Variants in TDRD9 observed in about 807,000 individuals in gnomAD.
TDRD9 encodes the protein ATP-dependent RNA helicase TDRD9.
TDRD9 carries 124 observed loss-of-function variants against 172.6 expected under a neutral mutation model. That is an observed-to-expected ratio of 0.72 (90% CI 0.62 to 0.83). The LOEUF is 0.83. Ranked by LOEUF, TDRD9 falls within the 40% of genes least tolerant of loss-of-function variation. TDRD9 has a pLI of 0.00. For synonymous variants in TDRD9, 619 were observed against 617.1 expected (o/e 1.00, Z -0.05); for missense variants, 1,479 against 1,714.1 (o/e 0.86, Z 2.42).
intron 35 of TDRD9, among the ~76,000 whole-genome samples, chr14:104,050,826 G>GA (rs1307108028): frequency 1.3e-5 from 2 of 152,198 alleles, no homozygotes; most frequent in Admixed American, 6.5e-5. Flanking sequence ...TTTGAAAACA[G>GA]AATTTCACTT....
chr14:104,025,721 A>T lies in TDRD9; in HGVS notation c.2876A>T (p.Asp959Val). ...TGTCTGGCACCTTTTGCTGATTTTG[A>T]TAAACAACGCTACTTTAGAGCTCAA... ...LVCLAPFADF[D>V]KQRYFRAQVL... Residue 959 changes from aspartate to valine, a missense_variant, in exon 26 of 36, where the codon GAT becomes GTT. Asp to Val is a radical substitution (Grantham distance 152). Coordinates refer to ENST00000409874, the MANE Select transcript of TDRD9 (RefSeq NM_153046.3). 6.2e-7 allele frequency: 1 copy of T among 1,614,018 alleles called. No homozygotes were observed. The highest frequency in any genetic ancestry group is 1.1e-5 in the South Asian group (1 of 91,086).
intron 24 of TDRD9, among the ~76,000 whole-genome samples, chr14:104,022,901 C>T (rs1176873481): frequency 2.0e-5 from 3 of 151,742 alleles, no homozygotes; most frequent in Admixed American, 6.6e-5. Flanking sequence ...TGATACCAGC[C>T]GGGTGAGGTG....
chr14:103,970,551 G>A lies in TDRD9; in HGVS notation c.776G>A (p.Arg259Gln), dbSNP rs867801627. ...TTTTTTATTTTGTAGGTACACGAACGAACAGAAGAAATGGATTTCCTGCTA... is the reference window on the plus strand; with the variant it reads ...TTTTTTATTTTGTAGGTACACGAACAAACAGAAGAAATGGATTTCCTGCTA... ...THIIIDEVHE[R>Q]TEEMDFLLLV... is the part of the protein sequence containing the mutation. The change falls in exon 6 of 36, where the codon CGA becomes CAA. Residue 259 changes from arginine to glutamine, a missense_variant. Arg to Gln is a conservative substitution (Grantham distance 43). This residue lies in a region of TDRD9 where 1,413 missense variants were observed against 1,649.1 expected (regional missense o/e 0.86). Coordinates refer to ENST00000409874, the MANE Select transcript of TDRD9 (RefSeq NM_153046.3). 7 of 1,551,546 alleles carry A rather than the reference G, an allele frequency of 4.5e-6. No homozygotes were observed. Among genetic ancestry groups the A allele is most frequent in the Admixed American group, 2.0e-5 (1 of 50,992 alleles).
At chr14:104,007,789 T>C (rs572104418) in intron 19 of TDRD9, among the ~76,000 whole-genome samples, 1 of 152,274 alleles carries the variant, frequency 6.6e-6, no homozygotes, top group East Asian at 1.9e-4. Flanking sequence ...AAGTCTTTTT[T>C]TTTTTTGAGA....
At chr14:103,976,016 A>G (rs1035054532) in intron 7 of TDRD9, among the ~76,000 whole-genome samples, 3 of 152,192 alleles carry the variant, frequency 2.0e-5, no homozygotes, top group Non-Finnish European at 2.9e-5. Flanking sequence ...TTTTCTGTCC[A>G]TTAACCAACC....
At chr14:103,941,354 A>T in intron 1 of TDRD9, 1 of 1,398,452 alleles carries the variant, frequency 7.2e-7, no homozygotes, top group Non-Finnish European at 9.6e-7. Context: ...AGGAACTTGG[A>T]CTTAGCAGTA....
chr14:103,947,187 A>G (rs773939593), intron 1 of TDRD9, among the ~76,000 whole-genome samples: 2 of 152,224 alleles, frequency 1.3e-5, no homozygotes, highest in Non-Finnish European at 2.9e-5. Flanking sequence ...ATAAAGACGC[A>G]TAGACCAATG....
intron 1 of TDRD9, among the ~76,000 whole-genome samples, chr14:103,930,193 T>G (rs1231758814): frequency 1.3e-5 from 2 of 149,948 alleles, no homozygotes; most frequent in Non-Finnish European, 3.0e-5. Context: ...TTTTCTTGGT[T>G]TTTTTTTTTT....
At chr14:103,994,853 G>A (rs1159371879) in intron 11 of TDRD9, among the ~76,000 whole-genome samples, 1 of 151,982 alleles carries the variant, frequency 6.6e-6, no homozygotes, top group African/African-American at 2.4e-5. Context: ...TACTTGGGAG[G>A]CTGAGGTGGG....
Position 104,004,213 on chromosome 14 carries a change from CTGTT to C in TDRD9, c.1484-22_1484-19del, listed in dbSNP as rs776101613. The C allele has an allele frequency of 4.4e-5, 56 of 1,259,516 alleles. 1 individual carries two copies. The Admixed American group carries it at 8.2e-4, about 19-fold the overall frequency. 78.0% of individuals were successfully genotyped at this position (1,259,516 alleles called of 1,614,324 possible). ...ATGTTAAAGTAATTAATGCCAAACA[CTGTT>C]TGCACATCTCTCCTTTGAAGGCCGT... On this transcript the variant is annotated intron_variant, in intron 13 of 35. Transcript: ENST00000409874.
chr14:103,991,671 A>G (rs1307097458), intron 9 of TDRD9, among the ~76,000 whole-genome samples: 1 of 152,134 alleles, frequency 6.6e-6, no homozygotes, highest in East Asian at 1.9e-4. Flanking sequence ...GTGGCCTCCC[A>G]AAGTGCTGGA....
chr14:103,986,194 CT>C, intron 7 of TDRD9, 22 bp from the exon 8 acceptor site: 1 of 1,600,662 alleles, frequency 6.2e-7, no homozygotes, highest in Non-Finnish European at 8.6e-7. Context: ...CGTATTGCGA[CT>C]TTTTTCTTTC....
chr14:104,045,809 T>A (rs1369451433), intron 34 of TDRD9, among the ~76,000 whole-genome samples: 1 of 152,198 alleles, frequency 6.6e-6, no homozygotes, highest in Non-Finnish European at 1.5e-5. Flanking sequence ...CTCTGCCATG[T>A]CATGATGCAG....
intron 11 of TDRD9, 31 bp from the exon 12 acceptor site, chr14:103,995,719 A>T: frequency 1.9e-6 from 3 of 1,566,384 alleles, no homozygotes; most frequent in Non-Finnish European, 2.6e-6. Context: ...ATATAGTAGG[A>T]ATGTCAGCTT....
In TDRD9 at chr14:104,042,076, T is replaced by G; in HGVS notation, c.3863T>G (p.Ile1288Ser). 1 of 1,601,550 alleles carries G rather than the reference T, an allele frequency of 6.2e-7. No individual in the cohort carries two copies. The highest frequency in any genetic ancestry group is 8.6e-7 in the Non-Finnish European group (1 of 1,168,774). ...GTTGCTGTTCATTTACAGGTTAATA[T>G]TCTCAGGGCTGCTATTAACAAGCTA... The part of the protein sequence containing the change: ...FSVEDVVEVN[I>S]LRAAINKLVC... Residue 1288 changes from isoleucine to serine, a missense_variant, in exon 34 of 36, where the codon ATT becomes AGT. Ile to Ser is a moderately radical substitution (Grantham distance 142). Transcript: ENST00000409874.
At position 104,007,154 on chromosome 14, in the gene TDRD9, T is replaced by C. The variant is rs761080651; in HGVS notation, c.2008-6T>C. ...TATTTTGAAAGTTTGGATCCTTTAT[T>C]TTCAGACATGGAAGGCTTGCAGACA... On this transcript the variant is annotated splice_polypyrimidine_tract_variant and splice_region_variant and intron_variant, in intron 18 of 35. Coordinates refer to ENST00000409874, the MANE Select transcript of TDRD9 (RefSeq NM_153046.3). 1 of 1,613,338 alleles carries C rather than the reference T, an allele frequency of 6.2e-7. No individual in the cohort carries two copies. Among genetic ancestry groups the C allele is most frequent in the South Asian group, 1.1e-5 (1 of 90,898 alleles).
At chr14:104,048,476 C>T (rs540909726) in intron 34 of TDRD9, among the ~76,000 whole-genome samples, 6 of 152,138 alleles carry the variant, frequency 3.9e-5, no homozygotes, top group Non-Finnish European at 8.8e-5. Context: ...ATCTGATCTG[C>T]ACAGCTTAGT....
intron 1 of TDRD9, among the ~76,000 whole-genome samples, chr14:103,937,316 A>C (rs1307763603): frequency 6.6e-6 from 1 of 152,072 alleles, no homozygotes; most frequent in African/African-American, 2.4e-5. Flanking sequence ...ATAGCAAGCT[A>C]ATTCCCACCT....
rs145426114 is a variant in TDRD9 at position 104,014,758 on chromosome 14, A to G, written c.2140A>G (p.Ile714Val). The G allele has an allele frequency of 3.1e-6, 5 of 1,611,784 alleles. No individual in the cohort carries two copies. Among genetic ancestry groups the G allele is most frequent in the Non-Finnish European group, 4.2e-6 (5 of 1,178,742 alleles). Residue 714 changes from isoleucine (I) to valine (V), a missense_variant, in exon 21 of 36, where the codon ATC (isoleucine) becomes GTC (valine). By Grantham distance (29) the Ile-to-Val change is conservative. Transcript: ENST00000409874. ...ATTATATGAAGAATTGAAGACTAGAATCTCACAGTTCAACATGCATGTTGA... is the reference window on the plus strand; with the variant it reads ...ATTATATGAAGAATTGAAGACTAGAGTCTCACAGTTCAACATGCATGTTGA... ...AELYEELKTR[I>V]SQFNMHVDSR...
Sources: gnomAD v4.1 joint callset for allele counts (sites outside exome capture counted in the v4.1 genomes callset) on GRCh38, gnomAD v4.1.1 for gene constraint, gnomAD v4.1.1 regional missense constraint, MANE v1.5 for transcripts, NCBI Gene and HGNC (gene_info 2026-07-23, HGNC 2026-07-21) for gene names.